The following ARPP21 variants were observed in gnomAD, a reference collection of about 807,000 sequenced individuals.
ARPP21 encodes the protein cAMP regulated phosphoprotein 21.
A neutral mutation model predicts 113.2 loss-of-function variants in ARPP21; 69 were observed. That is an observed-to-expected ratio of 0.61 (90% CI 0.50 to 0.74). The LOEUF is 0.74. Ranked by LOEUF, ARPP21 falls within the 30% of genes least tolerant of loss-of-function variation. The pLI, the probability that ARPP21 is intolerant of heterozygous loss-of-function variation, is 0.00. For synonymous variants in ARPP21, 368 were observed against 375.5 expected (o/e 0.98, Z 0.23); for missense variants, 1,070 against 1,037.4 (o/e 1.03, Z -0.43).
At chr3:35,783,310 TG>T (rs1011302060) in intron 19 of ARPP21, among the ~76,000 whole-genome samples, 4 of 152,194 alleles carry the variant, frequency 2.6e-5, no homozygotes, top group Admixed American at 6.5e-5. Context: ...CCAGACTTTT[TG>T]CTCATGTGTT....
At chr3:35,672,597 G>A (rs2076597737) in intron 1 of ARPP21, among the ~76,000 whole-genome samples, 2 of 152,022 alleles carry the variant, frequency 1.3e-5, no homozygotes, top group South Asian at 4.1e-4. Flanking sequence ...CCTACTATGT[G>A]CCAGGCACTA....
chr3:35,739,333 C>A lies in ARPP21; in HGVS notation c.1766C>A (p.Thr589Lys). Reference sequence around the variant, plus strand: ...GACTTGCAGAGAGATGATGTGGCAACACAGTTTGGCCAGATGACCCTGAGC... The same window carrying A: ...GACTTGCAGAGAGATGATGTGGCAAAACAGTTTGGCCAGATGACCCTGAGC... ...QHFPMRDDVATQFGQMTLSRQ... is the reference protein window; with the variant it reads ...QHFPMRDDVAKQFGQMTLSRQ... The change falls in exon 18 of 21, where the codon ACA becomes AAA. Residue 589 changes from threonine to lysine, a missense_variant. Thr to Lys is a moderately conservative substitution (Grantham distance 78). Transcript: ENST00000684406. 1 of 1,613,930 alleles carries A rather than the reference C, an allele frequency of 6.2e-7. No homozygotes were observed. The highest frequency in any genetic ancestry group is 8.5e-7 in the Non-Finnish European group (1 of 1,179,904).
chr3:35,729,649 G>C, intron 15 of ARPP21, 113 bp downstream of exon 15: 1 of 911,030 alleles, frequency 1.1e-6, no homozygotes, highest in South Asian at 1.6e-5. Flanking sequence ...AGGAAAGCTA[G>C]TTGCATGAAC....
At chr3:35,757,220 G>T (rs915874361) in intron 19 of ARPP21, among the ~76,000 whole-genome samples, 1 of 149,706 alleles carries the variant, frequency 6.7e-6, no homozygotes, top group African/African-American at 2.5e-5. Flanking sequence ...CACCACATCT[G>T]GCTAATTAAA....
intron 14 of ARPP21, among the ~76,000 whole-genome samples, chr3:35,725,633 C>T (rs2093471106): frequency 6.6e-6 from 1 of 152,194 alleles, no homozygotes; most frequent in Admixed American, 6.5e-5. Context: ...TGCCTATGTC[C>T]TTCCCCTTCT....
chr3:35,709,110 C>T (rs959492208), intron 11 of ARPP21, 40 bp downstream of exon 11: 1 of 1,375,168 alleles, frequency 7.3e-7, no homozygotes, highest in African/African-American at 1.4e-5. Context: ...TGCGCTCCTT[C>T]CAACAGCAGT....
chr3:35,692,072 G>A (rs960817893), intron 9 of ARPP21, among the ~76,000 whole-genome samples: 3 of 151,498 alleles, frequency 2.0e-5, no homozygotes, highest in Non-Finnish European at 4.4e-5. Flanking sequence ...AGAGATCTGG[G>A]ACCAAGCATG....
intron 19 of ARPP21, among the ~76,000 whole-genome samples, chr3:35,750,875 G>C (rs1163198161): frequency 1.3e-5 from 2 of 152,178 alleles, no homozygotes; most frequent in East Asian, 1.9e-4. Context: ...TGAAAGTCCT[G>C]TGAACAGTGA....
intron 9 of ARPP21, among the ~76,000 whole-genome samples, chr3:35,702,512 T>C (rs2086815247): frequency 6.6e-6 from 1 of 151,890 alleles, no homozygotes; most frequent in Non-Finnish European, 1.5e-5. Flanking sequence ...CAAATGCATG[T>C]TGTTTTTAAA....
chr3:35,751,595 A>C (rs1417980989), intron 19 of ARPP21, among the ~76,000 whole-genome samples: 2 of 152,136 alleles, frequency 1.3e-5, no homozygotes, highest in African/African-American at 4.8e-5. Context: ...ATTTAAGATA[A>C]ACCTCACTTT....
chr3:35,668,034 A>G (rs947737350), intron 1 of ARPP21, among the ~76,000 whole-genome samples: 2 of 145,058 alleles, frequency 1.4e-5, no homozygotes, highest in East Asian at 4.0e-4. Flanking sequence ...AAGAAGAAGG[A>G]GAAGAAGAAG....
At chr3:35,655,089 C>T (rs1430965676) in intron 1 of ARPP21, among the ~76,000 whole-genome samples, 1 of 151,760 alleles carries the variant, frequency 6.6e-6, no homozygotes, top group Admixed American at 6.6e-5. Flanking sequence ...TTGCTACAAA[C>T]TTCTTAACCT....
chr3:35,685,559 A>G (rs2080310611), intron 5 of ARPP21: 15 of 984,894 alleles, frequency 1.5e-5, no homozygotes, highest in Non-Finnish European at 1.7e-5. Context: ...AGATGTATAC[A>G]GTATATGGAT....
Position 35,662,790 on chromosome 3 carries a change from A to C in ARPP21, c.-212-16997A>C, listed in dbSNP as rs146102331. On this transcript the variant is annotated intron_variant, in intron 1 of 20. Coordinates refer to ENST00000684406, the MANE Select transcript of ARPP21 (RefSeq NM_001385562.1). ...CCTTGAAGGGAGAATTGTGCCCACC[A>C]AGTGAAATCTACCAGAAGGGTAAAA... Among the ~76,000 whole-genome samples, 33 of 152,302 alleles carry C rather than the reference A, an allele frequency of 2.2e-4. 1 individual carries two copies. In the East Asian group the frequency reaches 5.0e-3, roughly 23 times the overall value.
chr3:35,656,459 A>T (rs1704962357), intron 1 of ARPP21, among the ~76,000 whole-genome samples: 1 of 152,106 alleles, frequency 6.6e-6, no homozygotes, highest in African/African-American at 2.4e-5. Context: ...GTACATCCAT[A>T]GAGTGGAATA....
chr3:35,651,995 T>C (rs1040993077), intron 1 of ARPP21: 2 of 152,110 alleles, frequency 1.3e-5, no homozygotes, highest in Non-Finnish European at 2.9e-5. Flanking sequence ...GGTCATTGTT[T>C]CTAGAAGGCA....
At chr3:35,710,669 A>G (rs2090848654) in intron 11 of ARPP21, among the ~76,000 whole-genome samples, 1 of 152,064 alleles carries the variant, frequency 6.6e-6, no homozygotes, top group Admixed American at 6.6e-5. Context: ...TCACACATAA[A>G]ATGCACATGC....
chr3:35,667,991 A>AAGAAGAAGAAGAAGAAGAAGAAGG (rs2075177383), intron 1 of ARPP21, among the ~76,000 whole-genome samples: 1 of 148,752 alleles, frequency 6.7e-6, no homozygotes, highest in Non-Finnish European at 1.5e-5. Flanking sequence ...GAAGAAGAAG[A>AAGAAGAAGAAGAAGAAGAAGAAGG]AGAAGAAGAA....
intron 15 of ARPP21, among the ~76,000 whole-genome samples, chr3:35,731,618 T>C (rs1329452511): frequency 3.9e-5 from 6 of 152,110 alleles, no homozygotes; most frequent in African/African-American, 7.2e-5. Flanking sequence ...TTATATATAA[T>C]GCATGTTATA....
Sources: gnomAD v4.1 joint callset for allele counts (sites outside exome capture counted in the v4.1 genomes callset) on GRCh38, gnomAD v4.1.1 for gene constraint, MANE v1.5 for transcripts, NCBI Gene and HGNC (gene_info 2026-07-23, HGNC 2026-07-21) for gene names.